The following PCDHGA9 variants were observed in gnomAD, a reference collection of about 807,000 sequenced individuals.
The protein encoded by PCDHGA9 is protocadherin gamma subfamily A, 9.
PCDHGA9 carries 37 observed loss-of-function variants against 62.5 expected under a neutral mutation model. The observed-to-expected ratio is 0.59, with a 90% CI of 0.46 to 0.78. PCDHGA9 has a LOEUF of 0.78. Among genes scored for constraint, PCDHGA9 ranks in the 30% least tolerant of loss-of-function variants. The pLI is 0.00. For synonymous variants in PCDHGA9, 459 were observed against 484.6 expected (o/e 0.95, Z 0.69); for missense variants, 1,138 against 1,166.2 (o/e 0.98, Z 0.35).
chr5:141,431,016 C>T lies in PCDHGA9; in HGVS notation c.2424+25640C>T, dbSNP rs755015257. Reference sequence around the variant, plus strand: ...AATCCGCGCAGCGGCAGCTTGGTCACGGCGGGCAGGATAGACCGGGAGGAG... The same window carrying T: ...AATCCGCGCAGCGGCAGCTTGGTCATGGCGGGCAGGATAGACCGGGAGGAG... On this transcript the variant is annotated intron_variant, in intron 1 of 3. Transcript: ENST00000573521. This position sits in a 1 kb window ranked among gnomAD's most constrained non-coding sequence, Gnocchi z 4.8. 3 of 1,613,456 alleles carry T rather than the reference C, an allele frequency of 1.9e-6. No individual in the cohort carries two copies. The highest frequency in any genetic ancestry group is 2.2e-5 in the South Asian group (2 of 91,058).
At chr5:141,422,013 G>A (rs755656791) in intron 1 of PCDHGA9, 1 of 1,610,536 alleles carries the variant, frequency 6.2e-7, no homozygotes. Context: ...GAACTCGGGT[G>A]CTGATGGTTA....
At chr5:141,444,056 A>G (rs1055292734) in intron 1 of PCDHGA9, among the ~76,000 whole-genome samples, 7 of 151,740 alleles carry the variant, frequency 4.6e-5, no homozygotes, top group Non-Finnish European at 7.4e-5. Context: ...GGCATCTTCA[A>G]TCTAGATTCT....
rs1288831801 is a variant in PCDHGA9, at chr5:141,477,793, T to C, written c.2425-17014T>C. The C allele has an allele frequency of 6.2e-7, 1 of 1,614,050 alleles. No homozygotes were observed. The highest frequency in any genetic ancestry group is 2.2e-5 in the East Asian group (1 of 44,874). ...TCAGCGTGAACATATTTGTCACTGATCGCAATGACAATGCCCCCCAGGTCC... is the reference window on the plus strand; with the variant it reads ...TCAGCGTGAACATATTTGTCACTGACCGCAATGACAATGCCCCCCAGGTCC... On this transcript the variant is annotated intron_variant, in intron 1 of 3. Coordinates refer to ENST00000573521, the MANE Select transcript of PCDHGA9 (RefSeq NM_018921.3). This position sits in a 1 kb window ranked among gnomAD's most constrained non-coding sequence, Gnocchi z 4.9.
chr5:141,406,390 ATTC>A (rs2094804697), intron 1 of PCDHGA9, among the ~76,000 whole-genome samples: 1 of 152,172 alleles, frequency 6.6e-6, no homozygotes, highest in Non-Finnish European at 1.5e-5. Flanking sequence ...AGGTAAATGT[ATTC>A]TTCTTAGAGA....
rs1385557537 is a variant in PCDHGA9 at position 141,415,739 on chromosome 5, GGTT to G, written c.2424+10364_2424+10366del. 2.0e-4 allele frequency: 88 copies of G among 435,112 alleles called. 2 individuals are homozygous for G. In the African/African-American group the frequency reaches 2.4e-3, roughly 12 times the overall value. 27.0% of individuals were successfully genotyped at this position (435,112 alleles called of 1,614,324 possible). A position where few individuals can be genotyped will look rare whatever the true frequency, so the allele number is the denominator to read the frequency against. On this transcript the variant is annotated intron_variant, in intron 1 of 3. Coordinates refer to ENST00000573521, the MANE Select transcript of PCDHGA9 (RefSeq NM_018921.3). ...ATGAGTAGAATTTGATGTTTATTAA[GGTT>G]TTTTTTTTTTTTTTTTTTTTTTTTT...
intron 1 of PCDHGA9, among the ~76,000 whole-genome samples, chr5:141,458,351 T>A (rs903399511): frequency 2.0e-5 from 3 of 152,010 alleles, no homozygotes; most frequent in African/African-American, 7.3e-5. Flanking sequence ...GAGAGTTTAA[T>A]AAGCAAGAAG....
Position 141,432,097 on chromosome 5 carries a change from C to G in PCDHGA9, c.2424+26721C>G. ...TCTCGCTGAACGTGGCAGACACCAA[C>G]GACAACCCGCCGGTCTTCCCTCAGG... On this transcript the variant is annotated intron_variant, in intron 1 of 3. Transcript: ENST00000573521. This position sits in a 1 kb window ranked among gnomAD's most constrained non-coding sequence, Gnocchi z 6.0. The G allele has an allele frequency of 6.2e-7, 1 of 1,614,184 alleles. No homozygotes were observed.
Position 141,403,685 on chromosome 5 carries a change from C to A in PCDHGA9, c.733C>A (p.Arg245=). 6.2e-7 allele frequency: 1 copy of A among 1,613,822 alleles called. No homozygotes were observed. Among genetic ancestry groups the A allele is most frequent in the Non-Finnish European group, 8.5e-7 (1 of 1,179,848 alleles). Residue 245 remains arginine (R), a synonymous_variant, in exon 1 of 4, where the codon CGG becomes AGG. Coordinates refer to ENST00000573521, the MANE Select transcript of PCDHGA9 (RefSeq NM_018921.3). ...TGATAATGCCCCGGTTTTTGCTCAA[C>A]GGATTTACCGAGTTAAAGTCCTTGA... ...TNDNAPVFAQ[R]IYRVKVLENV...
chr5:141,415,041 G>T, intron 1 of PCDHGA9: 1 of 1,613,530 alleles, frequency 6.2e-7, no homozygotes, highest in Non-Finnish European at 8.5e-7. Flanking sequence ...GACTCTTCGC[G>T]GTGGGGGAGC....
At chr5:141,427,146 AAT>A (rs1561826638) in intron 1 of PCDHGA9, 1 of 456,990 alleles carries the variant, frequency 2.2e-6, no homozygotes, top group Non-Finnish European at 4.4e-6. Context: ...TGATATTGGA[AAT>A]ATGTTTGTGC....
chr5:141,410,083 C>T (rs752701599), intron 1 of PCDHGA9: 102 of 1,612,590 alleles, frequency 6.3e-5, no homozygotes, highest in Non-Finnish European at 4.7e-5. Flanking sequence ...GGGAGGTGCG[C>T]ACGGCTCGAG....
intron 1 of PCDHGA9, chr5:141,441,088 G>A (rs1050261040): frequency 3.9e-5 from 6 of 152,162 alleles, no homozygotes; most frequent in African/African-American, 1.4e-4. Context: ...GGTAGCAAGT[G>A]ACAGAGAGGG....
chr5:141,509,060 T>G (rs2099874519), intron 3 of PCDHGA9, among the ~76,000 whole-genome samples: 1 of 152,216 alleles, frequency 6.6e-6, no homozygotes, highest in Middle Eastern at 3.4e-3. Flanking sequence ...CAGAAAGCTC[T>G]CAGCTCCGGG....
chr5:141,475,862 T>G, intron 1 of PCDHGA9: 1 of 492,756 alleles, frequency 2.0e-6, no homozygotes, highest in Non-Finnish European at 3.6e-6. Context: ...GCTAGCTCAT[T>G]CTTCGTGCAG....
At chr5:141,434,427 G>A (rs2097693282) in intron 1 of PCDHGA9, among the ~76,000 whole-genome samples, 1 of 152,216 alleles carries the variant, frequency 6.6e-6, no homozygotes, top group African/African-American at 2.4e-5. Context: ...GTTCATGATG[G>A]CCGTAATGCC....
At position 141,476,881 on chromosome 5, in the gene PCDHGA9, G is replaced by A. The variant is rs1458703890; in HGVS notation, c.2425-17926G>A. On this transcript the variant is annotated intron_variant, in intron 1 of 3. Coordinates refer to ENST00000573521, the MANE Select transcript of PCDHGA9 (RefSeq NM_018921.3). The surrounding 1 kb of genome is among the most constrained non-coding windows in gnomAD (Gnocchi z 7.6). The stretch of plus-strand genomic sequence containing the variant: ...CCTTGTACCGGGCGCGCGTCCTGGA[G>A]GATGCACCCTCCGGCACGCGCGTGG... 1.9e-6 allele frequency: 3 copies of A among 1,613,874 alleles called. No homozygotes were observed. Among genetic ancestry groups the A allele is most frequent in the Middle Eastern group, 1.6e-4 (1 of 6,084 alleles).
In PCDHGA9 at chr5:141,403,257, G is replaced by A; in HGVS notation, c.305G>A (p.Cys102Tyr). 1 of 1,613,902 alleles carries A rather than the reference G, an allele frequency of 6.2e-7. No homozygotes were observed. The highest frequency in any genetic ancestry group is 8.5e-7 in the Non-Finnish European group (1 of 1,179,902). Residue 102 changes from cysteine (C) to tyrosine (Y), a missense_variant, in exon 1 of 4, where the codon TGT (cysteine) becomes TAT (tyrosine). Cys to Tyr is a radical substitution (Grantham distance 194). Coordinates refer to ENST00000573521, the MANE Select transcript of PCDHGA9 (RefSeq NM_018921.3). ...GAGCTCTGTGCTCAGAGCCCGCGGTGTCTGGTGAACTTTAAAGTCCTGGTT... is the reference window on the plus strand; with the variant it reads ...GAGCTCTGTGCTCAGAGCCCGCGGTATCTGGTGAACTTTAAAGTCCTGGTT... Reference protein sequence around the residue: ...REELCAQSPRCLVNFKVLVED... With the variant: ...REELCAQSPRYLVNFKVLVED...
chr5:141,427,616 C>T (rs922511046), intron 1 of PCDHGA9: 1 of 693,880 alleles, frequency 1.4e-6, no homozygotes, highest in Non-Finnish European at 2.6e-6. Context: ...GTGAAGTCAA[C>T]GACAATGCTC....
At chr5:141,463,553 A>G (rs1163004575) in intron 1 of PCDHGA9, among the ~76,000 whole-genome samples, 3 of 140,962 alleles carry the variant, frequency 2.1e-5, no homozygotes, top group Non-Finnish European at 4.5e-5. Context: ...GGTTCATGCC[A>G]TTCTCCTGCC....
Sources: allele counts gnomAD v4.1 joint callset (sites outside exome capture counted in the v4.1 genomes callset), GRCh38; gene constraint gnomAD v4.1.1; non-coding constraint Gnocchi (gnomAD v3.1); transcripts MANE v1.5; gene names NCBI Gene and HGNC (gene_info 2026-07-23, HGNC 2026-07-21).